IPMK: variants seen among roughly 807,000 people sequenced by gnomAD.
IPMK encodes the protein inositol polyphosphate multikinase.
Under a neutral mutation model 45.8 loss-of-function variants are expected in IPMK, and 17 were observed. The observed-to-expected ratio is 0.37, with a 90% CI of 0.25 to 0.56. The LOEUF is 0.56. IPMK is among the 20% of genes least tolerant of loss of function. The pLI is 0.79. For missense variants in IPMK, 399 were observed against 498.0 expected (o/e 0.80, Z 1.89); for synonymous variants, 180 against 184.3 (o/e 0.98, Z 0.19).
intron 1 of IPMK, among the ~76,000 whole-genome samples, chr10:58,258,366 C>T (rs1271377132): frequency 6.6e-6 from 1 of 152,072 alleles, no homozygotes; most frequent in Non-Finnish European, 1.5e-5. Flanking sequence ...TGAACAGCAA[C>T]AAACAAGTTG....
chr10:58,219,588 TGGATTAACAAA>T (rs1415816598), intron 3 of IPMK, among the ~76,000 whole-genome samples: 1 of 152,230 alleles, frequency 6.6e-6, no homozygotes, highest in East Asian at 1.9e-4. Flanking sequence ...TGCCAAATTC[TGGATTAACAAA>T]GGACACCTTT....
rs1233284569 is a variant in IPMK, at chr10:58,193,137, GA to G, written c.*2938del. 1 of 151,862 alleles carries G rather than the reference GA, an allele frequency of 6.6e-6. No homozygotes were observed. Among genetic ancestry groups the G allele is most frequent in the Non-Finnish European group, 1.5e-5 (1 of 67,822 alleles). 9.4% of individuals were successfully genotyped at this position (151,862 alleles called of 1,614,324 possible). A position where few individuals can be genotyped will look rare whatever the true frequency, so the allele number is the denominator to read the frequency against. ...GAAACAAATGTATTTTCAGTAGCAT[GA>G]AACAAAAAATTGCAACTGAAGTATC... On this transcript the variant is annotated 3_prime_UTR_variant, in exon 6 of 6. Coordinates refer to ENST00000373935, the MANE Select transcript of IPMK (RefSeq NM_152230.5).
intron 1 of IPMK, among the ~76,000 whole-genome samples, chr10:58,257,293 G>A (rs1017660125): frequency 1.2e-4 from 19 of 152,142 alleles, no homozygotes; most frequent in Admixed American, 2.0e-4. Flanking sequence ...TCAGGAGTTC[G>A]AGACAAGCCT....
chr10:58,252,499 T>C (rs907038054), intron 1 of IPMK, among the ~76,000 whole-genome samples: 1 of 151,890 alleles, frequency 6.6e-6, no homozygotes, highest in African/African-American at 2.4e-5. Flanking sequence ...GTTTGTTCTG[T>C]AGGTAAATTA....
chr10:58,252,621 T>C (rs1192397985), intron 1 of IPMK, among the ~76,000 whole-genome samples: 2 of 148,802 alleles, frequency 1.3e-5, no homozygotes, highest in African/African-American at 2.5e-5. Context: ...CTTTTTTTTT[T>C]TTTTTTTTTG....
chr10:58,259,177 G>C (rs1839018376), intron 1 of IPMK, among the ~76,000 whole-genome samples: 2 of 152,112 alleles, frequency 1.3e-5, no homozygotes, highest in Non-Finnish European at 2.9e-5. Context: ...ACACCTAGTG[G>C]CCAGACCATA....
intron 1 of IPMK, among the ~76,000 whole-genome samples, chr10:58,240,656 C>T (rs1241666891): frequency 1.5e-5 from 2 of 135,644 alleles, no homozygotes; most frequent in Non-Finnish European, 1.5e-5. Flanking sequence ...ACATACACCA[C>T]GAAAAAAAAA....
At chr10:58,260,542 A>C (rs1373727595) in intron 1 of IPMK, among the ~76,000 whole-genome samples, 1 of 152,224 alleles carries the variant, frequency 6.6e-6, no homozygotes, top group African/African-American at 2.4e-5. Context: ...TCATATACAG[A>C]GAGTAATAAA....
At position 58,230,632 on chromosome 10, in the gene IPMK, T is replaced by G. The variant is rs564845792; in HGVS notation, c.277-3493A>C. ...CAAACAGAAAGGAATAGCATCAACA[T>G]CAACAAAAAGGTCATCTACACCAAA... On this transcript the variant is annotated intron_variant, in intron 2 of 5. Transcript: ENST00000373935. Among the ~76,000 whole-genome samples the G allele has an allele frequency of 3.3e-5, 5 of 151,716 alleles. No individual in the cohort carries two copies. The South Asian group carries it at 1.0e-3, about 32-fold the overall frequency.
intron 2 of IPMK, among the ~76,000 whole-genome samples, chr10:58,236,242 T>C (rs994607011): frequency 1.3e-5 from 2 of 152,088 alleles, no homozygotes; most frequent in African/African-American, 4.8e-5. Flanking sequence ...ACAAAACTCT[T>C]ATCTGATGCA....
At chr10:58,235,425 C>A (rs907721504) in intron 2 of IPMK, among the ~76,000 whole-genome samples, 18 of 152,082 alleles carry the variant, frequency 1.2e-4, no homozygotes, top group African/African-American at 3.4e-4. Flanking sequence ...CCAAATGTCC[C>A]TCAATGATAG....
At chr10:58,250,218 G>GA (rs1380252276) in intron 1 of IPMK, among the ~76,000 whole-genome samples, 1 of 152,200 alleles carries the variant, frequency 6.6e-6, no homozygotes, top group Non-Finnish European at 1.5e-5. Context: ...TTTCTCTGAT[G>GA]AATGTCTTTG....
At chr10:58,202,625 A>G (rs1838013518) in intron 4 of IPMK, among the ~76,000 whole-genome samples, 1 of 152,170 alleles carries the variant, frequency 6.6e-6, no homozygotes, top group Non-Finnish European at 1.5e-5. Flanking sequence ...TGATTATGCC[A>G]CTGGACTCCA....
intron 4 of IPMK, among the ~76,000 whole-genome samples, chr10:58,207,540 A>C (rs1295489553): frequency 6.6e-6 from 1 of 152,170 alleles, no homozygotes; most frequent in East Asian, 1.9e-4. Context: ...CAACACATCC[A>C]TGTTAAAGTC....
chr10:58,245,045 TA>T (rs148706659), intron 1 of IPMK, among the ~76,000 whole-genome samples: 102 of 121,476 alleles, frequency 8.4e-4, no homozygotes, highest in Non-Finnish European at 1.0e-3. Flanking sequence ...CAATAAATAC[TA>T]AAAAAAAAAA....
chr10:58,251,805 C>T (rs1838884600), intron 1 of IPMK, among the ~76,000 whole-genome samples: 1 of 152,176 alleles, frequency 6.6e-6, no homozygotes, highest in Admixed American at 6.5e-5. Flanking sequence ...GCTACTCCAG[C>T]TCTCTTTTGG....
rs983838584 is a variant in IPMK at position 58,222,509 on chromosome 10, A to T, written c.373+4534T>A. Among the ~76,000 whole-genome samples, 96 of 152,196 alleles carry T rather than the reference A, an allele frequency of 6.3e-4. 2 individuals carry two copies. The highest frequency in any genetic ancestry group is 1.6e-4 in the Non-Finnish European group (11 of 68,034). On this transcript the variant is annotated intron_variant, in intron 3 of 5. Transcript: ENST00000373935. Reference sequence around the variant, plus strand: ...CTAAGGACTGGCACTTGTAAACCCCAGATCTAAGACAGAGAGTCTGTAAAG... The same window carrying T: ...CTAAGGACTGGCACTTGTAAACCCCTGATCTAAGACAGAGAGTCTGTAAAG...
At chr10:58,210,806 C>T (rs564801933) in intron 4 of IPMK, among the ~76,000 whole-genome samples, 1 of 152,288 alleles carries the variant, frequency 6.6e-6, no homozygotes. Context: ...CAGTTTTTCA[C>T]CTAACTCACA....
chr10:58,234,645 C>T (rs543888166), intron 2 of IPMK, among the ~76,000 whole-genome samples: 1 of 152,172 alleles, frequency 6.6e-6, no homozygotes, highest in Non-Finnish European at 1.5e-5. Context: ...CCCTTCCTTA[C>T]ACCTTATACA....
Sources: gnomAD v4.1 joint callset for allele counts (sites outside exome capture counted in the v4.1 genomes callset) on GRCh38, gnomAD v4.1.1 for gene constraint, MANE v1.5 for transcripts, NCBI Gene and HGNC (gene_info 2026-07-23, HGNC 2026-07-21) for gene names.